INO80: variants seen among roughly 807,000 people sequenced by gnomAD.
INO80 encodes chromatin-remodeling ATPase INO80.
Under a neutral mutation model 203.4 loss-of-function variants are expected in INO80, and 20 were observed. The observed-to-expected ratio is 0.10, with a 90% CI of 0.07 to 0.14. INO80 has a LOEUF of 0.14. INO80 is among the 10% of genes least tolerant of loss of function. The pLI is 1.00. For missense variants in INO80, 1,419 were observed against 1,914.4 expected, an observed-to-expected ratio of 0.74 and a Z score of 4.83; for synonymous variants, 726 against 685.2, an observed-to-expected ratio of 1.06 and a Z score of -0.93.
intron 26 of INO80, among the ~76,000 whole-genome samples, chr15:41,019,876 A>C (rs183577856): frequency 7.7e-4 from 118 of 152,354 alleles, no homozygotes; most frequent in African/African-American, 2.8e-3. Flanking sequence ...AGACAGAAGA[A>C]GACCTCTGTT....
chr15:41,023,440 A>G (rs1271457166), intron 25 of INO80: 1 of 424,956 alleles, frequency 2.4e-6, no homozygotes, highest in Non-Finnish European at 4.7e-6. Flanking sequence ...CTTGAACAGC[A>G]TGCATACTCT....
At chr15:41,060,938 C>T (rs1020047941) in intron 14 of INO80, among the ~76,000 whole-genome samples, 6 of 152,032 alleles carry the variant, frequency 3.9e-5, no homozygotes, top group Non-Finnish European at 7.4e-5. Flanking sequence ...ATAGAAAGAC[C>T]GTATCACATG....
chr15:41,105,932 C>G (rs1042583703), intron 1 of INO80, among the ~76,000 whole-genome samples: 6 of 152,144 alleles, frequency 3.9e-5, no homozygotes, highest in Non-Finnish European at 7.3e-5. Context: ...CCAAGGAGCA[C>G]TAGTTTCTTT....
In INO80 at chr15:40,978,986, T is replaced by C. The variant is rs907057326; in HGVS notation, c.*1237A>G. On this transcript the variant is annotated 3_prime_UTR_variant, in exon 36 of 36. Transcript: ENST00000648947. ...ATATGTACAAGTTCAGTTATAAAAA[T>C]AGCACATTCAAAGAGAAAAGGCTTG... The C allele has an allele frequency of 1.3e-5, 2 of 152,626 alleles. No homozygotes were observed. The highest frequency in any genetic ancestry group is 6.5e-5 in the Admixed American group (1 of 15,286). The allele number at this position is 152,626 out of a possible 1,614,324, so 9.5% of individuals were successfully genotyped here. A position where few individuals can be genotyped will look rare whatever the true frequency, so the allele number is the denominator to read the frequency against.
chr15:41,045,187 C>A, intron 23 of INO80, 112 bp from the exon 24 acceptor site: 1 of 791,312 alleles, frequency 1.3e-6, no homozygotes. Context: ...AAATCTTTAT[C>A]ATTTTAGAAA....
intron 14 of INO80, among the ~76,000 whole-genome samples, chr15:41,061,433 C>T (rs953253204): frequency 9.1e-5 from 13 of 142,606 alleles, no homozygotes; most frequent in South Asian, 4.4e-4. Context: ...GGTGAAACAC[C>T]GTCTCTACCA....
chr15:41,000,605 G>C (rs2043945629), intron 28 of INO80, among the ~76,000 whole-genome samples: 2 of 149,046 alleles, frequency 1.3e-5, no homozygotes, highest in African/African-American at 4.9e-5. Flanking sequence ...TGAGGTAGGA[G>C]AGTCACTAGA....
intron 7 of INO80, among the ~76,000 whole-genome samples, chr15:41,082,083 C>T (rs2045492931): frequency 6.6e-6 from 1 of 151,222 alleles, no homozygotes; most frequent in Admixed American, 6.6e-5. Flanking sequence ...AGCCCCATTT[C>T]TACTAAAAAT....
At position 41,000,706 on chromosome 15, in the gene INO80, CAAA is replaced by C. The variant is rs58232890; in HGVS notation, c.3498-3108_3498-3106del. Among the ~76,000 whole-genome samples, 407 of 56,836 alleles carry C rather than the reference CAAA, an allele frequency of 7.2e-3. 4 individuals carry two copies. The highest frequency in any genetic ancestry group is 0.049 in the South Asian group (61 of 1,242). The allele number at this position is 56,836 out of a possible 152,430, so 37.3% of individuals were successfully genotyped here. A position where few individuals can be genotyped will look rare whatever the true frequency, so the allele number is the denominator to read the frequency against. ...TGGGTGACAGAGTGGCACCCTGTCT[CAAA>C]AAAAAAAAAAAAAAAAAAAAAGAAA... On this transcript the variant is annotated intron_variant, in intron 28 of 35. Transcript: ENST00000648947.
rs1034210028 is a variant in INO80, at chr15:40,990,469, T to C, written c.3571-2495A>G. 2.0e-5 allele frequency among the ~76,000 whole-genome samples: 3 copies of C among 152,174 alleles called. No individual in the cohort carries two copies. In the South Asian group the frequency reaches 6.2e-4, roughly 32 times the overall value. On this transcript the variant is annotated intron_variant, in intron 29 of 35. Transcript: ENST00000648947. ...CCAAACTCCTGGGCTCAAGCAATCC[T>C]ACCATCTCAGCTTCCCAAAGTGTTG...
In INO80 at chr15:41,049,326, C is replaced by T. The variant is rs200968863; in HGVS notation, c.2537G>A (p.Arg846His). Residue 846 changes from arginine to histidine, a missense_variant, in exon 21 of 36, where the codon CGT becomes CAT. Arg to His is a conservative substitution (Grantham distance 29). Coordinates refer to ENST00000648947, the MANE Select transcript of INO80 (RefSeq NM_017553.3). The part of the protein sequence containing the change: ...KPYHISKFIY[R>H]HGQIRVFNHS... ...ATTGAAGACCCTGATCTGTCCATGA[C>T]GGTAGATAAACTTTGAAATGTGGTA... 26 of 1,613,598 alleles carry T rather than the reference C, an allele frequency of 1.6e-5. No individual in the cohort carries two copies. The highest frequency in any genetic ancestry group is 1.0e-4 in the Admixed American group (6 of 59,998).
In INO80 at chr15:41,047,043, C is replaced by T. The variant is rs542392740; in HGVS notation, c.2735+365G>A. On this transcript the variant is annotated intron_variant, in intron 23 of 35. Coordinates refer to ENST00000648947, the MANE Select transcript of INO80 (RefSeq NM_017553.3). ...AGTGCAATGGCATGATCTCAGCTCA[C>T]GGCAACCTCCACTTCCCAGGTTCAA... is the stretch of plus-strand genomic sequence containing the variant. Among the ~76,000 whole-genome samples, 3 of 152,048 alleles carry T rather than the reference C, an allele frequency of 2.0e-5. No homozygotes were observed. The South Asian group carries it at 6.2e-4, about 32-fold the overall frequency.
At chr15:40,981,263 C>T (rs1351176018) in intron 35 of INO80, among the ~76,000 whole-genome samples, 2 of 152,176 alleles carry the variant, frequency 1.3e-5, no homozygotes, top group African/African-American at 4.8e-5. Flanking sequence ...TTTTCTTGTG[C>T]TGCTCTACCC....
intron 26 of INO80, among the ~76,000 whole-genome samples, chr15:41,019,129 G>A (rs569939546): frequency 6.6e-6 from 1 of 152,288 alleles, no homozygotes; most frequent in South Asian, 2.1e-4. Flanking sequence ...CCAAGGAAAG[G>A]GGACTTTTGA....
At chr15:41,031,544 GAGGAGGGAGGAAGGGA>G (rs1566919005) in intron 24 of INO80, among the ~76,000 whole-genome samples, 1 of 5,418 alleles carries the variant, frequency 1.8e-4, no homozygotes, top group African/African-American at 3.5e-4. Context: ...GGGAGGAAGG[GAGGAGGGAGGAAGGGA>G]GGAAGGGAGG....
chr15:41,089,511 GGA>G (rs2045604393), intron 5 of INO80, among the ~76,000 whole-genome samples: 1 of 152,184 alleles, frequency 6.6e-6, no homozygotes, highest in Non-Finnish European at 1.5e-5. Context: ...CAGCACTTTG[GGA>G]GGCCGAGGCG....
chr15:41,099,144 CTGAGG>C (rs1335190398), intron 1 of INO80, among the ~76,000 whole-genome samples: 3 of 141,840 alleles, frequency 2.1e-5, no homozygotes, highest in Non-Finnish European at 4.5e-5. Context: ...ACTCAAGAGG[CTGAGG>C]TGAGAGGATT....
intron 9 of INO80, among the ~76,000 whole-genome samples, chr15:41,077,003 G>A (rs561880143): frequency 6.6e-6 from 1 of 152,108 alleles, no homozygotes; most frequent in Admixed American, 6.6e-5. Context: ...CATCTCCCCG[G>A]TTCAAGCGAT....
chr15:41,036,156 G>GAAGA (rs2044570184), intron 24 of INO80, among the ~76,000 whole-genome samples: 1 of 32,138 alleles, frequency 3.1e-5, no homozygotes, highest in Non-Finnish European at 6.0e-5. Context: ...ACTCTCTCTC[G>GAAGA]AAAAAAAAAA....
Sources: allele counts gnomAD v4.1 joint callset (sites outside exome capture counted in the v4.1 genomes callset), GRCh38; gene constraint gnomAD v4.1.1; transcripts MANE v1.5; gene names NCBI Gene and HGNC (gene_info 2026-07-23, HGNC 2026-07-21).